The following NRG1 variants were observed in gnomAD, a reference collection of about 807,000 sequenced individuals.
NRG1 encodes the protein pro-neuregulin-1, membrane-bound isoform.
A neutral mutation model predicts 63.8 loss-of-function variants in NRG1; 18 were observed. The observed-to-expected ratio is 0.28, with a 90% CI of 0.19 to 0.42. The LOEUF is 0.42. NRG1 is among the 10% of genes least tolerant of loss of function. The pLI is 1.00. For synonymous variants in NRG1, 302 were observed against 301.3 expected (o/e 1.00, Z -0.02); for missense variants, 762 against 814.7 (o/e 0.94, Z 0.79).
intron 1 of NRG1, among the ~76,000 whole-genome samples, chr8:31,966,485 G>C (rs988914112): frequency 3.3e-5 from 5 of 152,192 alleles, no homozygotes; most frequent in African/African-American, 1.2e-4. Flanking sequence ...CCTAATCTTT[G>C]AAAGCTACAC....
At chr8:32,144,534 G>A (rs1182249762) in intron 1 of NRG1, among the ~76,000 whole-genome samples, 1 of 152,184 alleles carries the variant, frequency 6.6e-6, no homozygotes. Context: ...AAATCAGGCT[G>A]CCTGTTTTGC....
intron 1 of NRG1, among the ~76,000 whole-genome samples, chr8:32,350,669 C>G (rs1248778301): frequency 6.6e-6 from 1 of 151,916 alleles, no homozygotes; most frequent in Non-Finnish European, 1.5e-5. Flanking sequence ...ATTTCCTCAT[C>G]TATAAAATAA....
intron 1 of NRG1, among the ~76,000 whole-genome samples, chr8:32,083,617 C>A (rs1186440025): frequency 6.6e-6 from 1 of 152,148 alleles, no homozygotes; most frequent in Non-Finnish European, 1.5e-5. Flanking sequence ...GCTTACTAAT[C>A]CCTTCATCTT....
chr8:32,289,681 AC>A (rs749292476), intron 1 of NRG1, among the ~76,000 whole-genome samples: 1 of 152,162 alleles, frequency 6.6e-6, no homozygotes, highest in Non-Finnish European at 1.5e-5. Flanking sequence ...TAAATTTAAT[AC>A]ATTTAATTTT....
At chr8:32,226,536 A>T (rs1397237158) in intron 1 of NRG1, among the ~76,000 whole-genome samples, 1 of 152,192 alleles carries the variant, frequency 6.6e-6, no homozygotes, top group Non-Finnish European at 1.5e-5. Flanking sequence ...ATTAGAAAAA[A>T]AAATTCTGGT....
At chr8:32,169,142 C>T (rs943170200) in intron 1 of NRG1, among the ~76,000 whole-genome samples, 2 of 152,142 alleles carry the variant, frequency 1.3e-5, no homozygotes, top group African/African-American at 4.8e-5. Context: ...GGGTACATCA[C>T]ACACCCATCT....
intron 1 of NRG1, among the ~76,000 whole-genome samples, chr8:32,141,297 T>G (rs1397582327): frequency 6.6e-6 from 1 of 151,960 alleles, no homozygotes; most frequent in African/African-American, 2.4e-5. Flanking sequence ...CAGAGGAATT[T>G]GGGCTCAATG....
intron 6 of NRG1, among the ~76,000 whole-genome samples, chr8:32,729,419 A>C (rs530961423): frequency 3.0e-4 from 45 of 152,336 alleles, no homozygotes; most frequent in African/African-American, 9.9e-4. Context: ...ACATCTAATA[A>C]ATTTTGCCAG....
rs150827425 is a variant in NRG1 at position 32,211,425 on chromosome 8, C to G, written c.38-384403C>G. Among the ~76,000 whole-genome samples the G allele has an allele frequency of 7.2e-5, 11 of 152,236 alleles. No homozygotes were observed. In the East Asian group the frequency reaches 1.2e-3, roughly 16 times the overall value. On this transcript the variant is annotated intron_variant, in intron 1 of 10. Coordinates refer to the NRG1 transcript ENST00000519301. ...ATCGTTGTGACATGTGTTGGAATCT[C>G]AAAAGTGGAATTGCTGAGCCAGGGG...
intron 1 of NRG1, among the ~76,000 whole-genome samples, chr8:32,214,674 A>AGAGAATTCTTT (rs1845034810): frequency 1.3e-5 from 2 of 152,216 alleles, no homozygotes; most frequent in Admixed American, 1.3e-4. Flanking sequence ...AGAGAGAGAG[A>AGAGAATTCTTT]GAGAGAATTC....
At chr8:32,678,763 A>T (rs774883170) in intron 5 of NRG1, among the ~76,000 whole-genome samples, 3 of 152,206 alleles carry the variant, frequency 2.0e-5, no homozygotes, top group Non-Finnish European at 4.4e-5. Context: ...TCATTACTTT[A>T]TGTGAAAGAC....
intron 1 of NRG1, among the ~76,000 whole-genome samples, chr8:32,368,053 A>T (rs1384802434): frequency 6.6e-6 from 1 of 152,184 alleles, no homozygotes; most frequent in Non-Finnish European, 1.5e-5. Flanking sequence ...CACCAATACC[A>T]TGCTGTTTTA....
chr8:32,597,279 C>T (rs931397689), intron 2 of NRG1, among the ~76,000 whole-genome samples: 4 of 152,168 alleles, frequency 2.6e-5, no homozygotes, highest in African/African-American at 9.7e-5. Context: ...AGTTGTTACA[C>T]ATTCATGAGC....
chr8:32,108,628 C>G (rs111741774), intron 1 of NRG1, among the ~76,000 whole-genome samples: 3,571 of 152,120 alleles, frequency 0.023, 156 homozygotes, highest in African/African-American at 0.081. Flanking sequence ...CCTGGATGAT[C>G]TCGGTGGGCC....
chr8:31,798,568 C>G (rs1276550976), intron 1 of NRG1, among the ~76,000 whole-genome samples: 2 of 152,076 alleles, frequency 1.3e-5, no homozygotes, highest in Non-Finnish European at 2.9e-5. Flanking sequence ...AATTTCTTTC[C>G]TCCATTTGCT....
At chr8:32,337,689 G>A (rs978868534) in intron 1 of NRG1, among the ~76,000 whole-genome samples, 7 of 39,608 alleles carry the variant, frequency 1.8e-4, no homozygotes, top group African/African-American at 5.2e-4. Flanking sequence ...AAAAGCTGAT[G>A]CAGTTAGGAA....
chr8:31,713,035 T>A (rs978121668), intron 1 of NRG1, among the ~76,000 whole-genome samples: 1 of 151,956 alleles, frequency 6.6e-6, no homozygotes, highest in Non-Finnish European at 1.5e-5. Context: ...CCTTCTTTCT[T>A]TTCTGCCTCT....
At chr8:31,973,789 C>T (rs542023239) in intron 1 of NRG1, among the ~76,000 whole-genome samples, 1 of 152,092 alleles carries the variant, frequency 6.6e-6, no homozygotes, top group South Asian at 2.1e-4. Flanking sequence ...GTGGATAGAC[C>T]AAATTGTCTT....
chr8:31,843,184 T>C (rs1826356625), intron 1 of NRG1, among the ~76,000 whole-genome samples: 1 of 152,184 alleles, frequency 6.6e-6, no homozygotes, highest in South Asian at 2.1e-4. Flanking sequence ...CCCATTAATT[T>C]TCATATACGA....
Sources: gnomAD v4.1 joint callset for allele counts (sites outside exome capture counted in the v4.1 genomes callset) on GRCh38, gnomAD v4.1.1 for gene constraint, MANE v1.5 for transcripts, NCBI Gene and HGNC (gene_info 2026-07-23, HGNC 2026-07-21) for gene names.